Variants in GPC3 observed in about 807,000 individuals in gnomAD.
GPC3 encodes glypican 3, also known as glypican-3.
A neutral mutation model predicts 34.4 loss-of-function variants in GPC3; 3 were observed. That is an observed-to-expected ratio of 0.09 (90% CI 0.04 to 0.23). The LOEUF (loss-of-function observed/expected upper bound fraction) is 0.23, where lower values mean the gene tolerates loss of function less well. Ranked by LOEUF, GPC3 falls within the 10% of genes least tolerant of loss-of-function variation. GPC3 has a pLI of 1.00. For missense variants in GPC3, 351 were observed against 445.6 expected, an observed-to-expected ratio of 0.79 and a Z score of 1.91; for synonymous variants, 177 against 174.0, an observed-to-expected ratio of 1.02 and a Z score of -0.13.
intron 3 of GPC3, among the ~76,000 whole-genome samples, chrX:133,720,234 T>G (rs1165741248): frequency 1.8e-5 from 2 of 111,841 alleles, no homozygotes; most frequent in Non-Finnish European, 3.8e-5. Flanking sequence ...GTACACACGT[T>G]TATAGCAGCA....
At chrX:133,655,478 A>ACC (rs746076336) in intron 6 of GPC3, among the ~76,000 whole-genome samples, 1 of 94,132 alleles carries the variant, frequency 1.1e-5, no homozygotes, top group African/African-American at 4.7e-5. Context: ...TCACACACCC[A>ACC]CACACACACA....
intron 2 of GPC3, among the ~76,000 whole-genome samples, chrX:133,801,506 T>C (rs1444810876): frequency 8.9e-6 from 1 of 111,748 alleles, no homozygotes; most frequent in Non-Finnish European, 1.9e-5. Context: ...TATAAAATCA[T>C]GCAGGAAAAA....
At chrX:133,853,295 A>G (rs2075883954) in intron 2 of GPC3, among the ~76,000 whole-genome samples, 1 of 111,778 alleles carries the variant, frequency 8.9e-6, no homozygotes, top group Non-Finnish European at 1.9e-5. Context: ...TTCCCATAAC[A>G]TCTTCTTCTT....
intron 3 of GPC3, among the ~76,000 whole-genome samples, chrX:133,723,981 A>G (rs973271050): frequency 1.8e-5 from 2 of 112,474 alleles, no homozygotes; most frequent in African/African-American, 6.5e-5. Context: ...TGAAATACAT[A>G]TAGTAGATAT....
rs187449394 is a variant in GPC3 at position 133,774,986 on chromosome X, T to A, written c.338-20810A>T. On this transcript the variant is annotated intron_variant, in intron 2 of 7. Coordinates refer to ENST00000370818, the MANE Select transcript of GPC3 (RefSeq NM_004484.4). Reference sequence around the variant, plus strand: ...ATCTGCTTTCATGACTGACAGCCCATGGCTCCCACTCCCTGATTGACACAT... The same window carrying A: ...ATCTGCTTTCATGACTGACAGCCCAAGGCTCCCACTCCCTGATTGACACAT... 1.1e-3 allele frequency among the ~76,000 whole-genome samples: 118 copies of A among 111,935 alleles called. 3 individuals carry two copies. The East Asian group carries it at 0.024, about 22-fold the overall frequency.
chrX:133,869,666 G>A (rs1172765507), intron 2 of GPC3, among the ~76,000 whole-genome samples: 1 of 112,166 alleles, frequency 8.9e-6, no homozygotes, highest in Non-Finnish European at 1.9e-5. Flanking sequence ...AGTACTGGGT[G>A]GCCGGGCATG....
intron 2 of GPC3, among the ~76,000 whole-genome samples, chrX:133,895,712 A>G (rs1259336348): frequency 9.0e-6 from 1 of 111,648 alleles, no homozygotes; most frequent in Non-Finnish European, 1.9e-5. Context: ...TAAGAGCTTC[A>G]GCTTTAGAAA....
At chrX:133,786,269 C>T (rs984056278) in intron 2 of GPC3, among the ~76,000 whole-genome samples, 1 of 111,486 alleles carries the variant, frequency 9.0e-6, no homozygotes, top group Non-Finnish European at 1.9e-5. Flanking sequence ...GTGGCAGGCA[C>T]CTGTAATCCC....
intron 2 of GPC3, among the ~76,000 whole-genome samples, chrX:133,914,821 A>G (rs1175849672): frequency 1.9e-5 from 2 of 105,507 alleles, no homozygotes; most frequent in Admixed American, 2.1e-4. Context: ...TATCACTATA[A>G]TTTTTTGAAA....
At chrX:133,773,360 C>G (rs1001300781) in intron 2 of GPC3, among the ~76,000 whole-genome samples, 1 of 111,792 alleles carries the variant, frequency 8.9e-6, no homozygotes, top group Non-Finnish European at 1.9e-5. Context: ...CAAAGAAGCA[C>G]AAAACTAGAC....
At chrX:133,818,656 T>C (rs1488275247) in intron 2 of GPC3, among the ~76,000 whole-genome samples, 1 of 111,745 alleles carries the variant, frequency 8.9e-6, no homozygotes, top group Non-Finnish European at 1.9e-5. Context: ...ATATGTGTTA[T>C]AATAAGCTAA....
intron 2 of GPC3, among the ~76,000 whole-genome samples, chrX:133,822,385 C>A (rs1163314623): frequency 9.0e-6 from 1 of 111,594 alleles, no homozygotes; most frequent in African/African-American, 3.3e-5. Context: ...GAAAGTGCTT[C>A]CTTTAAGTGA....
chrX:133,636,241 G>C (rs1471636841), intron 6 of GPC3, among the ~76,000 whole-genome samples: 1 of 112,672 alleles, frequency 8.9e-6, no homozygotes, highest in African/African-American at 3.2e-5. Context: ...CAACACTATA[G>C]AACAGTCTAA....
At chrX:133,927,705 T>G (rs943633881) in intron 2 of GPC3, among the ~76,000 whole-genome samples, 1 of 109,484 alleles carries the variant, frequency 9.1e-6, no homozygotes, top group Non-Finnish European at 1.9e-5. Context: ...CTCGAACTTC[T>G]GACCTCAAGC....
chrX:133,919,934 A>T, intron 2 of GPC3, among the ~76,000 whole-genome samples: 1 of 109,447 alleles, frequency 9.1e-6, no homozygotes, highest in Non-Finnish European at 1.9e-5. Context: ...CTGAGGTAGG[A>T]GGACTGCTTG....
At chrX:133,836,718 C>A (rs1229481465) in intron 2 of GPC3, among the ~76,000 whole-genome samples, 1 of 111,863 alleles carries the variant, frequency 8.9e-6, no homozygotes, top group Non-Finnish European at 1.9e-5. Flanking sequence ...AGAGTACGGA[C>A]TTTCTGTTTC....
intron 2 of GPC3, among the ~76,000 whole-genome samples, chrX:133,931,724 G>GAAGGACT (rs747099365): frequency 3.6e-5 from 4 of 111,808 alleles, no homozygotes; most frequent in Non-Finnish European, 7.5e-5. Context: ...AATAGCCCTG[G>GAAGGACT]AAGGACTAAG....
At chrX:133,716,935 A>G (rs1161518161) in intron 3 of GPC3, among the ~76,000 whole-genome samples, 1 of 111,519 alleles carries the variant, frequency 9.0e-6, no homozygotes, top group Non-Finnish European at 1.9e-5. Context: ...AGGGCCCTCA[A>G]TAAGATTAAC....
intron 2 of GPC3, among the ~76,000 whole-genome samples, chrX:133,776,019 C>T (rs73564971): frequency 0.034 from 3,826 of 111,479 alleles, 153 homozygotes; most frequent in African/African-American, 0.12. Context: ...AATATCAACA[C>T]GTGAGCACAG....
Sources: allele counts gnomAD v4.1 joint callset (sites outside exome capture counted in the v4.1 genomes callset), GRCh38; gene constraint gnomAD v4.1.1; transcripts MANE v1.5; gene names NCBI Gene and HGNC (gene_info 2026-07-23, HGNC 2026-07-21).